CPLANE1: variants seen among roughly 807,000 people sequenced by gnomAD.
CPLANE1 encodes ciliogenesis and planar polarity effector complex subunit 1.
CPLANE1 carries 263 observed loss-of-function variants against 362.5 expected under a neutral mutation model. The ratio of observed to expected loss-of-function variants is 0.73; its 90% CI spans 0.66 to 0.80. The LOEUF (loss-of-function observed/expected upper bound fraction) is 0.80, where lower values mean the gene tolerates loss of function less well. CPLANE1 is among the 30% of genes least tolerant of loss of function. The pLI is 0.00. For missense variants in CPLANE1, 3,461 were observed against 3,793.4 expected (o/e 0.91, Z 2.30); for synonymous variants, 1,212 against 1,302.6 (o/e 0.93, Z 1.50).
At chr5:37,099,119 A>G in the CPLANE1 span, among the ~76,000 whole-genome samples, 18 of 152,276 alleles carry the variant, frequency 1.2e-4, no homozygotes, top group South Asian at 3.7e-3. Flanking sequence ...CTTTTTTTAC[A>G]AAAATCTTTT....
the CPLANE1 span, among the ~76,000 whole-genome samples, chr5:37,094,393 T>C: frequency 1.3e-5 from 2 of 152,122 alleles, no homozygotes; most frequent in African/African-American, 4.8e-5. Flanking sequence ...TGAATGACAA[T>C]AGTGACAAAA....
chr5:37,155,937 T>C (rs1289469609), intron 41 of CPLANE1, among the ~76,000 whole-genome samples: 2 of 152,228 alleles, frequency 1.3e-5, no homozygotes, highest in South Asian at 2.1e-4. Context: ...GAAAGATTGC[T>C]AGCTTCATAC....
At chr5:37,091,483 T>C in the CPLANE1 span, among the ~76,000 whole-genome samples, 1 of 152,128 alleles carries the variant, frequency 6.6e-6, no homozygotes, top group Non-Finnish European at 1.5e-5. Context: ...GGACAAGCCA[T>C]AGTAGAACGT....
chr5:37,212,131 C>A, intron 16 of CPLANE1: 2 of 1,007,874 alleles, frequency 2.0e-6, no homozygotes, highest in Non-Finnish European at 3.2e-6. Context: ...AGGAGGATGA[C>A]TGAAGAATCA....
chr5:37,107,062 A>G lies in CPLANE1; in HGVS notation c.*540T>C. 1.0e-6 allele frequency: 1 copy of G among 985,464 alleles called. No homozygotes were observed. The highest frequency in any genetic ancestry group is 1.2e-6 in the Non-Finnish European group (1 of 829,936). 61.0% of individuals were successfully genotyped at this position (985,464 alleles called of 1,614,324 possible). On this transcript the variant is annotated 3_prime_UTR_variant, in exon 53 of 53. Transcript: ENST00000651892. ...GAAGACAGAAGATCTCCTGGCCTCC[A>G]TGAAACTTTGCTTATTTAGAGATTC... is the stretch of plus-strand genomic sequence containing the variant.
intron 50 of CPLANE1, among the ~76,000 whole-genome samples, chr5:37,117,192 C>CAAT (rs1358361541): frequency 6.6e-6 from 1 of 151,978 alleles, no homozygotes; most frequent in African/African-American, 2.4e-5. Context: ...GCAAAAAGCT[C>CAAT]AATAACCATT....
Position 37,121,717 on chromosome 5 carries a change from A to ATC in CPLANE1, c.9084_9085insGA (p.Ser3029AspfsTer44). 1 of 1,613,792 alleles carries ATC rather than the reference A, an allele frequency of 6.2e-7. No homozygotes were observed. Among genetic ancestry groups the ATC allele is most frequent in the Non-Finnish European group, 8.5e-7 (1 of 1,179,656 alleles). On this transcript the variant is annotated frameshift_variant, in exon 49 of 53. Coordinates refer to ENST00000651892, the MANE Select transcript of CPLANE1 (RefSeq NM_001384732.1). LOFTEE classifies it high-confidence loss of function. ...AGAGTTGGTAGCTGTACTGACTCAG[A>ATC]TAACAGTTCATTCATCAGACCGTAC...
intron 38 of CPLANE1, among the ~76,000 whole-genome samples, chr5:37,160,457 G>A (rs1267642400): frequency 6.6e-6 from 1 of 151,792 alleles, no homozygotes; most frequent in African/African-American, 2.4e-5. Context: ...CTATTTGGGA[G>A]GCTGAGGTAG....
chr5:37,210,816 G>T, intron 16 of CPLANE1: 1 of 996,062 alleles, frequency 1.0e-6, no homozygotes, highest in Non-Finnish European at 1.6e-6. Flanking sequence ...CTTTCAGAAA[G>T]AACTAAGGAG....
intron 29 of CPLANE1, among the ~76,000 whole-genome samples, 176 bp downstream of exon 29, chr5:37,179,185 A>G (rs889575016): frequency 1.3e-5 from 2 of 152,260 alleles, no homozygotes; most frequent in African/African-American, 4.8e-5. Flanking sequence ...ACACTGTACT[A>G]GAATTTCAGG....
At chr5:37,121,059 T>C (rs1762478133) in intron 49 of CPLANE1, among the ~76,000 whole-genome samples, 1 of 152,242 alleles carries the variant, frequency 6.6e-6, no homozygotes, top group Admixed American at 6.5e-5. Flanking sequence ...TGACCATATA[T>C]AAGAAATTTT....
At chr5:37,234,594 T>G (rs1798522971) in intron 8 of CPLANE1, among the ~76,000 whole-genome samples, 1 of 149,278 alleles carries the variant, frequency 6.7e-6, no homozygotes, top group Non-Finnish European at 1.5e-5. Flanking sequence ...TCCTGAAGGG[T>G]AAGAGAGATC....
At position 37,206,272 on chromosome 5, in the gene CPLANE1, A is replaced by G. The variant is rs1411699843; in HGVS notation, c.3074T>C (p.Leu1025Pro). The change falls in exon 17 of 53, where the codon CTT becomes CCT. Residue 1025 changes from leucine to proline, a missense_variant. Around this residue, in one of 2 missense-constraint regions of CPLANE1, gnomAD observed 3,380 missense variants for 3,666.1 expected, o/e 0.92. Transcript: ENST00000651892. ...TGAAACAGACGTCTTCCAGTCTCCA[A>G]GTTTATATGCCAACCACACAGCCTC... ...VPEAVWLAYK[L>P]GDWKTSVSIG... 7 of 1,551,656 alleles carry G rather than the reference A, an allele frequency of 4.5e-6. No individual in the cohort carries two copies. Among genetic ancestry groups the G allele is most frequent in the African/African-American group, 1.4e-5 (1 of 73,056 alleles).
At chr5:37,183,803 T>C (rs1471444492) in intron 25 of CPLANE1, 104 bp from the exon 26 acceptor site, 1 of 774,016 alleles carries the variant, frequency 1.3e-6, no homozygotes, top group African/African-American at 1.8e-5. Flanking sequence ...AAGTCATGTA[T>C]ATTTTGTGTG....
intron 32 of CPLANE1, among the ~76,000 whole-genome samples, chr5:37,173,277 A>G (rs1277812205): frequency 1.3e-5 from 2 of 152,178 alleles, no homozygotes; most frequent in African/African-American, 4.8e-5. Context: ...GAAATATGTG[A>G]TAGTGTCAGC....
At chr5:37,141,912 A>G (rs1052530468) in intron 44 of CPLANE1, 3 of 575,458 alleles carry the variant, frequency 5.2e-6, no homozygotes, top group African/African-American at 2.0e-5. Context: ...ACCAGAATCT[A>G]TGCATATAAA....
Position 37,227,827 on chromosome 5 carries a change from A to G in CPLANE1, c.1122-10T>C. ...CGTAAACTGCTGTGGTCTAGTAAAC[A>G]AACATCAAAATACAAGAATCAGTAA... On this transcript the variant is annotated splice_polypyrimidine_tract_variant and intron_variant, in intron 9 of 52. Transcript: ENST00000651892. The G allele has an allele frequency of 6.5e-7, 1 of 1,541,294 alleles. No individual in the cohort carries two copies.
chr5:37,127,113 AC>A (rs1337623631), intron 46 of CPLANE1, among the ~76,000 whole-genome samples: 1 of 152,022 alleles, frequency 6.6e-6, no homozygotes, highest in Non-Finnish European at 1.5e-5. Flanking sequence ...ATTCTGTGCG[AC>A]CCCACTGGGA....
intron 15 of CPLANE1, among the ~76,000 whole-genome samples, chr5:37,218,045 C>CA (rs1436232281): frequency 6.6e-6 from 1 of 151,820 alleles, no homozygotes; most frequent in Non-Finnish European, 1.5e-5. Context: ...TAACTATAGA[C>CA]AATTATTTAA....
Sources: gnomAD v4.1 joint callset for allele counts (sites outside exome capture counted in the v4.1 genomes callset) on GRCh38, gnomAD v4.1.1 for gene constraint, gnomAD v4.1.1 regional missense constraint, MANE v1.5 for transcripts, NCBI Gene and HGNC (gene_info 2026-07-23, HGNC 2026-07-21) for gene names.